Variants in AMPD3 observed in about 807,000 individuals in gnomAD.
AMPD3 encodes adenosine monophosphate deaminase 3, also known as AMP deaminase 3.
In AMPD3, 57 loss-of-function variants were observed where a neutral mutation model predicts 82.3. The observed-to-expected ratio is 0.69, with a 90% CI of 0.56 to 0.86. The LOEUF (loss-of-function observed/expected upper bound fraction) is 0.86, where lower values mean the gene tolerates loss of function less well. AMPD3 is among the 40% of genes least tolerant of loss of function. The pLI, the probability that AMPD3 is intolerant of heterozygous loss-of-function variation, is 0.00. For missense variants in AMPD3, 870 were observed against 1,003.8 expected (o/e 0.87, Z 1.80); for synonymous variants, 381 against 394.7 (o/e 0.97, Z 0.41).
chr11:10,491,604 G>A (rs1228533174), intron 6 of AMPD3, among the ~76,000 whole-genome samples: 1 of 152,218 alleles, frequency 6.6e-6, no homozygotes, highest in Non-Finnish European at 1.5e-5. Flanking sequence ...TGGTGGCAGT[G>A]AGGTTGGAGA....
chr11:10,480,490 G>A (rs1848871407), intron 3 of AMPD3, among the ~76,000 whole-genome samples: 1 of 137,750 alleles, frequency 7.3e-6, no homozygotes, highest in South Asian at 2.1e-4. Flanking sequence ...ATCTACCATC[G>A]TAACAAAAAG....
At chr11:10,461,809 TC>T in intron 2 of AMPD3, 69 bp downstream of exon 2, 1 of 1,473,558 alleles carries the variant, frequency 6.8e-7, no homozygotes, top group East Asian at 2.5e-5. Context: ...TGGGTGTGTG[TC>T]CTGATATGAG....
intron 3 of AMPD3, among the ~76,000 whole-genome samples, chr11:10,480,823 T>A (rs572510324): frequency 7.2e-5 from 11 of 152,286 alleles, no homozygotes; most frequent in African/African-American, 2.6e-4. Context: ...GCCCCAGCCC[T>A]CCCCACTCTG....
At chr11:10,499,181 A>T (rs1183440096) in intron 10 of AMPD3, 1 of 152,516 alleles carries the variant, frequency 6.6e-6, no homozygotes, top group Admixed American at 6.5e-5. Context: ...CTACCGCCCC[A>T]AAGAGTGCAG....
At chr11:10,487,136 C>A (rs1849096109) in intron 5 of AMPD3, 99 bp from the exon 6 acceptor site, 1 of 1,595,852 alleles carries the variant, frequency 6.3e-7, no homozygotes, top group Non-Finnish European at 8.6e-7. Flanking sequence ...TCCGTCCTGA[C>A]CCTTCCAGCC....
chr11:10,492,949 G>A (rs1040473284), intron 6 of AMPD3, among the ~76,000 whole-genome samples: 3 of 152,196 alleles, frequency 2.0e-5, no homozygotes, highest in African/African-American at 7.2e-5. Context: ...TGGTGTACCC[G>A]TAAGTGGTTT....
chr11:10,502,250 T>C, intron 12 of AMPD3: 1 of 985,444 alleles, frequency 1.0e-6, no homozygotes, highest in Non-Finnish European at 1.2e-6. Flanking sequence ...AAAACCACTC[T>C]ATCCTGGGCA....
intron 1 of AMPD3, among the ~76,000 whole-genome samples, chr11:10,459,014 C>T (rs1403886552): frequency 6.6e-6 from 1 of 152,010 alleles, no homozygotes; most frequent in Admixed American, 6.6e-5. Flanking sequence ...TGTGCTGTTC[C>T]AGACTTTCTC....
rs535473506 is a variant in AMPD3, at chr11:10,469,048, C to A, written c.221+7308C>A. On this transcript the variant is annotated intron_variant, in intron 2 of 14. Transcript: ENST00000396553. ...GTCCACAAGAGAAAGCAGGAAAGAT[C>A]TAAAATCAACACCCTAACATCACAA... Among the ~76,000 whole-genome samples the A allele has an allele frequency of 2.0e-5, 3 of 152,142 alleles. No individual in the cohort carries two copies. The South Asian group carries it at 6.2e-4, about 31-fold the overall frequency.
chr11:10,476,983 G>C, intron 2 of AMPD3: 1 of 985,462 alleles, frequency 1.0e-6, no homozygotes, highest in East Asian at 1.1e-4. Context: ...CTGTCTTGCA[G>C]GTTAAAATAG....
upstream of AMPD3, chr11:10,450,981 C>G: frequency 1.3e-6 from 2 of 1,560,860 alleles, no homozygotes; most frequent in South Asian, 1.2e-5. Flanking sequence ...CAGCGCGTCC[C>G]CTTTGCTCCA....
intron 10 of AMPD3, 73 bp downstream of exon 10, chr11:10,497,011 A>G (rs1201610467): frequency 7.6e-6 from 12 of 1,575,162 alleles, no homozygotes; most frequent in Middle Eastern, 3.3e-4. Context: ...GAGCTGGGTC[A>G]GGCTTGCTCC....
chr11:10,477,694 C>T (rs1257105669), intron 2 of AMPD3, among the ~76,000 whole-genome samples: 1 of 152,200 alleles, frequency 6.6e-6, no homozygotes, highest in Non-Finnish European at 1.5e-5. Flanking sequence ...CATATCTGTG[C>T]CTGCTCTAGC....
upstream of AMPD3, chr11:10,450,818 C>T: frequency 5.0e-6 from 6 of 1,188,804 alleles, no homozygotes; most frequent in Non-Finnish European, 6.2e-6. Flanking sequence ...CCTGCTGAGG[C>T]GGCCCTCCCT....
chr11:10,478,766 A>C (rs758753232), intron 3 of AMPD3, 36 bp downstream of exon 3: 3 of 1,602,754 alleles, frequency 1.9e-6, no homozygotes, highest in East Asian at 2.2e-5. Context: ...TGTGCCTTGC[A>C]TGCAAAGGCC....
chr11:10,490,677 G>C, intron 6 of AMPD3: 1 of 984,474 alleles, frequency 1.0e-6, no homozygotes, highest in Non-Finnish European at 1.2e-6. Flanking sequence ...CATTTATCTT[G>C]TGACTCATGG....
rs1382499297 is a variant in AMPD3, at chr11:10,456,659, C to T, written c.-6+1211C>T. The T allele has an allele frequency of 3.1e-6, 3 of 961,752 alleles. No individual in the cohort carries two copies. The highest frequency in any genetic ancestry group is 3.5e-5 in the African/African-American group (2 of 56,786). The allele number at this position is 961,752 out of a possible 1,614,324, so 59.6% of individuals were successfully genotyped here. On this transcript the variant is annotated intron_variant, in intron 1 of 14. Transcript: ENST00000396553. This position sits in a 1 kb window ranked among gnomAD's most constrained non-coding sequence, Gnocchi z 4.3. The stretch of plus-strand genomic sequence containing the variant: ...CTGACTGATGCTGGTGAATTCACAG[C>T]TAAGCCTCCCAAGCCTGCTGGCTTC...
At position 10,482,199 on chromosome 11, in the gene AMPD3, C is replaced by A; in HGVS notation, c.563C>A (p.Thr188Asn). The A allele has an allele frequency of 6.2e-7, 1 of 1,612,876 alleles. No individual in the cohort carries two copies. Among genetic ancestry groups the A allele is most frequent in the Non-Finnish European group, 8.5e-7 (1 of 1,179,698 alleles). The change falls in exon 4 of 15, where the codon ACT becomes AAT. Residue 188 changes from threonine to asparagine, a missense_variant. Coordinates refer to ENST00000396553, the MANE Select transcript of AMPD3 (RefSeq NM_001025389.2). ...TACCTGGGTCATCCGCGGGCGGATA[C>A]TGCACCTCCGGAAGAGGGCCTTCCA... is the stretch of plus-strand genomic sequence containing the variant. ...SQYLGHPRAD[T>N]APPEEGLPDF...
At chr11:10,461,269 A>G in intron 1 of AMPD3, 1 of 1,443,764 alleles carries the variant, frequency 6.9e-7, no homozygotes, top group Non-Finnish European at 9.2e-7. Context: ...ACCTAGTTGA[A>G]CAGTTCATTC....
Sources: allele counts gnomAD v4.1 joint callset (sites outside exome capture counted in the v4.1 genomes callset), GRCh38; gene constraint gnomAD v4.1.1; non-coding constraint Gnocchi (gnomAD v3.1); transcripts MANE v1.5; gene names NCBI Gene and HGNC (gene_info 2026-07-23, HGNC 2026-07-21).